Variants in SLMAP observed in about 807,000 individuals in gnomAD.
The protein encoded by SLMAP is sarcolemmal membrane-associated protein.
Under a neutral mutation model 128.8 loss-of-function variants are expected in SLMAP, and 44 were observed. The observed-to-expected ratio is 0.34, with a 90% CI of 0.27 to 0.44. The LOEUF is 0.44. Among genes scored for constraint, SLMAP ranks in the 20% least tolerant of loss-of-function variants. The pLI is 1.00. For missense variants in SLMAP, 787 were observed against 985.3 expected (o/e 0.80, Z 2.69); for synonymous variants, 327 against 348.8 (o/e 0.94, Z 0.70).
chr3:57,839,625 A>T (rs1351961356), intron 3 of SLMAP, among the ~76,000 whole-genome samples: 2 of 151,298 alleles, frequency 1.3e-5, no homozygotes, highest in African/African-American at 4.9e-5. Flanking sequence ...TTTTTCTGGG[A>T]TGGAGTCTCA....
At chr3:57,857,994 T>G (rs903624577) in intron 7 of SLMAP, 94 bp from the exon 8 acceptor site, 2 of 964,050 alleles carry the variant, frequency 2.1e-6, no homozygotes. Flanking sequence ...GTTTTACGCT[T>G]TTATATCTTT....
Position 57,871,671 on chromosome 3 carries a change from T to C in SLMAP, c.1273T>C (p.Phe425Leu). Residue 425 changes from phenylalanine (F) to leucine (L), a missense_variant, in exon 14 of 25, where the codon TTT becomes CTT. Phe to Leu is a conservative substitution (Grantham distance 22). Around this residue, in one of 2 missense-constraint regions of SLMAP, gnomAD observed 715 missense variants for 843.6 expected, o/e 0.85. Coordinates refer to ENST00000671191, the MANE Select transcript of SLMAP (RefSeq NM_001377540.1). The stretch of plus-strand genomic sequence containing the variant: ...TTCAAAGAGTGGCGGGGACTGCACT[T>C]TTATTCATCAATTCATAGAATGCCA... ...LLSKSGGDCT[F>L]IHQFIECQKK... is the part of the protein sequence containing the mutation. The C allele has an allele frequency of 1.2e-6, 2 of 1,613,028 alleles. No homozygotes were observed. Among genetic ancestry groups the C allele is most frequent in the Non-Finnish European group, 1.7e-6 (2 of 1,179,152 alleles).
chr3:57,811,154 A>G (rs1045682672), intron 2 of SLMAP, among the ~76,000 whole-genome samples: 7 of 152,154 alleles, frequency 4.6e-5, no homozygotes, highest in Non-Finnish European at 1.0e-4. Context: ...TACATTCATA[A>G]TGTTCTGTAA....
intron 18 of SLMAP, 146 bp from the exon 19 acceptor site, chr3:57,908,930 T>C (rs1333143225): frequency 3.4e-6 from 2 of 588,650 alleles, no homozygotes; most frequent in Non-Finnish European, 6.0e-6. Flanking sequence ...AACTAACTGC[T>C]AATACTGATA....
chr3:57,864,583 G>A lies in SLMAP; in HGVS notation c.1002G>A (p.Lys334=), dbSNP rs139110404. The change falls in exon 11 of 25, where the codon AAG becomes AAA. Residue 334 remains lysine, a synonymous_variant. Coordinates refer to ENST00000671191, the MANE Select transcript of SLMAP (RefSeq NM_001377540.1). ...AEGKQEEIQQ[K]GQAEKKELQH... ...GAAAACAAGAGGAAATCCAACAGAA[G>A]GGACAGGCTGAGAAAAAAGAATTAC... is the stretch of plus-strand genomic sequence containing the variant. 1.3e-4 allele frequency: 213 copies of A among 1,580,990 alleles called. No homozygotes were observed. Among genetic ancestry groups the A allele is most frequent in the Middle Eastern group, 7.3e-4 (4 of 5,512 alleles).
At chr3:57,819,051 A>C (rs1473058404) in intron 2 of SLMAP, among the ~76,000 whole-genome samples, 1 of 152,132 alleles carries the variant, frequency 6.6e-6, no homozygotes, top group Non-Finnish European at 1.5e-5. Context: ...CCAAATAGTC[A>C]TTTCCCATTT....
intron 2 of SLMAP, among the ~76,000 whole-genome samples, chr3:57,783,945 G>A (rs1319578584): frequency 6.6e-6 from 1 of 152,064 alleles, no homozygotes; most frequent in Non-Finnish European, 1.5e-5. Context: ...GTGGGCCCAG[G>A]TGTTGCTGAA....
At chr3:57,766,358 G>A (rs544556226) in intron 2 of SLMAP, among the ~76,000 whole-genome samples, 1 of 151,968 alleles carries the variant, frequency 6.6e-6, no homozygotes, top group Admixed American at 6.6e-5. Context: ...CTAGAGCTTA[G>A]TATTTATTCT....
At chr3:57,786,178 C>T (rs1486126293) in intron 2 of SLMAP, among the ~76,000 whole-genome samples, 1 of 152,214 alleles carries the variant, frequency 6.6e-6, no homozygotes, top group Non-Finnish European at 1.5e-5. Context: ...TCCAAAACCA[C>T]AGTGCCTTAT....
At chr3:57,869,630 T>TTATATTTATATATATATATA (rs1553900185) in intron 13 of SLMAP, among the ~76,000 whole-genome samples, 1 of 75,474 alleles carries the variant, frequency 1.3e-5, no homozygotes, top group Non-Finnish European at 2.5e-5. Flanking sequence ...CCCATCTCTA[T>TTATATTTATATATATATATA]TATATATATA....
intron 2 of SLMAP, among the ~76,000 whole-genome samples, chr3:57,767,567 T>A (rs2080000581): frequency 6.6e-6 from 1 of 152,254 alleles, no homozygotes; most frequent in African/African-American, 2.4e-5. Flanking sequence ...AAATTATATA[T>A]ATGAACTATT....
intron 2 of SLMAP, among the ~76,000 whole-genome samples, chr3:57,781,064 TACAA>T (rs2082957955): frequency 6.6e-6 from 1 of 151,370 alleles, no homozygotes; most frequent in African/African-American, 2.4e-5. Context: ...AATAATAAGA[TACAA>T]AAAATAGAAT....
intron 4 of SLMAP, among the ~76,000 whole-genome samples, chr3:57,844,163 C>A (rs1449369993): frequency 6.6e-6 from 1 of 151,884 alleles, no homozygotes; most frequent in African/African-American, 2.4e-5. Context: ...CACTCTGAGG[C>A]GGACAGATTG....
intron 17 of SLMAP, chr3:57,901,447 A>G (rs1259372124): frequency 2.0e-5 from 3 of 152,298 alleles, no homozygotes; most frequent in East Asian, 3.9e-4. Flanking sequence ...TTCATGGGAC[A>G]AGAGTCATTT....
At chr3:57,810,395 G>A (rs534843782) in intron 2 of SLMAP, among the ~76,000 whole-genome samples, 2 of 152,266 alleles carry the variant, frequency 1.3e-5, no homozygotes, top group South Asian at 4.1e-4. Context: ...CAGCAGACCC[G>A]AGCAAAACTC....
chr3:57,781,888 A>G (rs993160126), intron 2 of SLMAP, among the ~76,000 whole-genome samples: 1 of 151,950 alleles, frequency 6.6e-6, no homozygotes. Context: ...ATGCAGCACC[A>G]CACCCAGCTA....
At chr3:57,855,721 AAAAAC>A (rs1434250427) in intron 6 of SLMAP, among the ~76,000 whole-genome samples, 6 of 148,786 alleles carry the variant, frequency 4.0e-5, no homozygotes, top group African/African-American at 1.5e-4. Flanking sequence ...TAAAAAAAAA[AAAAAC>A]AAAAAAAAAA....
At chr3:57,769,527 G>C (rs189919486) in intron 2 of SLMAP, among the ~76,000 whole-genome samples, 1 of 152,042 alleles carries the variant, frequency 6.6e-6, no homozygotes, top group African/African-American at 2.4e-5. Context: ...GTCTCACTAT[G>C]TTGCCCGGCT....
chr3:57,914,573 A>G (rs2096770067), intron 21 of SLMAP, among the ~76,000 whole-genome samples: 1 of 152,030 alleles, frequency 6.6e-6, no homozygotes, highest in Admixed American at 6.6e-5. Flanking sequence ...TCTCATATAT[A>G]GCTATATACA....
Sources: allele counts gnomAD v4.1 joint callset (sites outside exome capture counted in the v4.1 genomes callset), GRCh38; gene constraint gnomAD v4.1.1; regional missense constraint gnomAD v4.1.1; transcripts MANE v1.5; gene names NCBI Gene and HGNC (gene_info 2026-07-23, HGNC 2026-07-21).